The following ADAMTS3 variants were observed in gnomAD, a reference collection of about 807,000 sequenced individuals.
ADAMTS3 encodes A disintegrin and metalloproteinase with thrombospondin motifs 3.
ADAMTS3 carries 73 observed loss-of-function variants against 129.0 expected under a neutral mutation model. The ratio of observed to expected loss-of-function variants is 0.57; its 90% CI spans 0.47 to 0.69. ADAMTS3 has a LOEUF of 0.69. ADAMTS3 is among the 30% of genes least tolerant of loss of function. ADAMTS3 has a pLI of 0.00. For missense variants in ADAMTS3, 1,457 were observed against 1,514.5 expected, an observed-to-expected ratio of 0.96 and a Z score of 0.63; for synonymous variants, 477 against 510.8, an observed-to-expected ratio of 0.93 and a Z score of 0.89.
intron 4 of ADAMTS3, among the ~76,000 whole-genome samples, chr4:72,374,289 C>CT (rs1299210763): frequency 0.019 from 2,718 of 140,626 alleles, 62 homozygotes; most frequent in African/African-American, 0.049. Context: ...GGAGTAACTC[C>CT]TTTTTTTTTT....
chr4:72,356,006 T>C (rs961930770), intron 4 of ADAMTS3, among the ~76,000 whole-genome samples: 3 of 151,914 alleles, frequency 2.0e-5, no homozygotes, highest in Non-Finnish European at 4.4e-5. Context: ...ACTTTTGTGA[T>C]TAAAAAACTC....
chr4:72,561,059 G>C (rs759525547), intron 2 of ADAMTS3, among the ~76,000 whole-genome samples: 5 of 152,050 alleles, frequency 3.3e-5, no homozygotes, highest in Non-Finnish European at 4.4e-5. Flanking sequence ...TTTAGATTAA[G>C]AAATGGGGCC....
At chr4:72,416,399 T>C (rs1722306333) in intron 3 of ADAMTS3, among the ~76,000 whole-genome samples, 1 of 151,952 alleles carries the variant, frequency 6.6e-6, no homozygotes, top group Non-Finnish European at 1.5e-5. Context: ...CTTGCCTTTA[T>C]GATGTGCACA....
chr4:72,418,574 T>G (rs1042432130), intron 3 of ADAMTS3, among the ~76,000 whole-genome samples: 4 of 152,140 alleles, frequency 2.6e-5, no homozygotes, highest in African/African-American at 9.7e-5. Context: ...GGAGCCCACA[T>G]GGGAAATTTT....
intron 3 of ADAMTS3, among the ~76,000 whole-genome samples, chr4:72,483,490 A>C (rs926487870): frequency 1.2e-4 from 19 of 152,126 alleles, no homozygotes; most frequent in African/African-American, 4.6e-4. Context: ...TCTTTTTCCA[A>C]AAGAGTGACA....
At chr4:72,507,953 A>C (rs1720206980) in intron 3 of ADAMTS3, among the ~76,000 whole-genome samples, 1 of 152,196 alleles carries the variant, frequency 6.6e-6, no homozygotes, top group Non-Finnish European at 1.5e-5. Context: ...TTATTAAGTC[A>C]CATATGCCTC....
intron 17 of ADAMTS3, 78 bp downstream of exon 17, chr4:72,303,839 A>G: frequency 6.9e-7 from 1 of 1,440,628 alleles, no homozygotes; most frequent in Non-Finnish European, 9.6e-7. Context: ...CTTAATGTTC[A>G]AGGTAAAAGT....
At chr4:72,423,610 A>C (rs1045719798) in intron 3 of ADAMTS3, among the ~76,000 whole-genome samples, 2 of 151,646 alleles carry the variant, frequency 1.3e-5, no homozygotes, top group African/African-American at 2.4e-5. Context: ...ACAACGTGCA[A>C]GTTTGTTACA....
At chr4:72,323,752 C>T (rs2109812456) in intron 5 of ADAMTS3, among the ~76,000 whole-genome samples, 1 of 152,220 alleles carries the variant, frequency 6.6e-6, no homozygotes. Context: ...TGAGTCACTG[C>T]TTTTTATTTA....
chr4:72,347,622 T>C (rs1720323604), intron 4 of ADAMTS3, among the ~76,000 whole-genome samples: 1 of 152,114 alleles, frequency 6.6e-6, no homozygotes, highest in African/African-American at 2.4e-5. Context: ...GCACAGTTTT[T>C]AATTTTCACA....
intron 5 of ADAMTS3, among the ~76,000 whole-genome samples, chr4:72,338,692 G>T (rs1183542684): frequency 6.6e-6 from 1 of 151,932 alleles, no homozygotes; most frequent in Non-Finnish European, 1.5e-5. Context: ...AACAGCATAG[G>T]CTTAGGTAAT....
rs375122115 is a variant in ADAMTS3 at position 72,305,940 on chromosome 4, A to T, written c.2260+47T>A. On this transcript the variant is annotated intron_variant, in intron 16 of 21. Transcript: ENST00000286657. ...TATTTAGGATTTCTTTGACATTTCA[A>T]TGTTTCAGTGCATGTTAAAGCAGAG... 6.8e-6 allele frequency: 10 copies of T among 1,473,806 alleles called. No individual in the cohort carries two copies. The African/African-American group carries it at 9.9e-5, about 15-fold the overall frequency. The allele number at this position is 1,473,806 out of a possible 1,614,324, so 91.3% of individuals were successfully genotyped here.
chr4:72,533,474 G>A (rs1004399623), intron 3 of ADAMTS3, among the ~76,000 whole-genome samples: 1 of 151,812 alleles, frequency 6.6e-6, no homozygotes, highest in Non-Finnish European at 1.5e-5. Flanking sequence ...ACACTCTAAA[G>A]TAATGATTAA....
chr4:72,292,958 T>C lies in ADAMTS3; in HGVS notation c.2724-1896A>G, dbSNP rs540268002. ...AGACAAATATTATACTTCACAGATA[T>C]AGGTACTTCTGATTACCTCCATTCC... On this transcript the variant is annotated intron_variant, in intron 19 of 21. Coordinates refer to ENST00000286657, the MANE Select transcript of ADAMTS3 (RefSeq NM_014243.3). Among the ~76,000 whole-genome samples, 5 of 152,290 alleles carry C rather than the reference T, an allele frequency of 3.3e-5. 1 individual carries two copies. The highest frequency in any genetic ancestry group is 2.1e-4 in the South Asian group (1 of 4,826).
At chr4:72,303,405 A>G (rs1038679693) in intron 17 of ADAMTS3, among the ~76,000 whole-genome samples, 5 of 152,142 alleles carry the variant, frequency 3.3e-5, no homozygotes, top group African/African-American at 1.2e-4. Flanking sequence ...ACAGGGAATA[A>G]AAAACCAAAA....
chr4:72,284,239 C>T (rs759031791), intron 21 of ADAMTS3, among the ~76,000 whole-genome samples: 2 of 151,984 alleles, frequency 1.3e-5, no homozygotes, highest in African/African-American at 4.8e-5. Context: ...AGTTTGAGAT[C>T]GAGACCATCC....
intron 3 of ADAMTS3, among the ~76,000 whole-genome samples, chr4:72,460,156 C>T (rs1007387176): frequency 5.9e-5 from 9 of 151,326 alleles, no homozygotes; most frequent in Non-Finnish European, 8.9e-5. Flanking sequence ...CTTTTTTTAC[C>T]GGTCATTAGC....
At chr4:72,540,828 A>G (rs1453004737) in intron 3 of ADAMTS3, among the ~76,000 whole-genome samples, 3 of 152,232 alleles carry the variant, frequency 2.0e-5, no homozygotes, top group African/African-American at 7.2e-5. Flanking sequence ...AGAACCTCCA[A>G]ATAGATTTCA....
chr4:72,417,826 G>A (rs1016149158), intron 3 of ADAMTS3, among the ~76,000 whole-genome samples: 2 of 149,902 alleles, frequency 1.3e-5, no homozygotes, highest in Non-Finnish European at 1.5e-5. Context: ...CCAGCTACTC[G>A]GGAGGCTGAG....
Sources: gnomAD v4.1 joint callset for allele counts (sites outside exome capture counted in the v4.1 genomes callset) on GRCh38, gnomAD v4.1.1 for gene constraint, MANE v1.5 for transcripts, NCBI Gene and HGNC (gene_info 2026-07-23, HGNC 2026-07-21) for gene names.